The following SFMBT2 variants were observed in gnomAD, a reference collection of about 807,000 sequenced individuals.
SFMBT2 encodes the protein scm-like with four MBT domains protein 2.
A neutral mutation model predicts 110.1 loss-of-function variants in SFMBT2; 38 were observed. That is an observed-to-expected ratio of 0.35 (90% CI 0.27 to 0.45). SFMBT2 has a LOEUF of 0.45. Among genes scored for constraint, SFMBT2 ranks in the 20% least tolerant of loss-of-function variants. The pLI is 1.00. For missense variants in SFMBT2, 1,011 were observed against 1,094.9 expected, an observed-to-expected ratio of 0.92 and a Z score of 1.08; for synonymous variants, 425 against 425.4, an observed-to-expected ratio of 1.00 and a Z score of 0.01.
intron 2 of SFMBT2, among the ~76,000 whole-genome samples, chr10:7,377,383 T>C (rs1289319218): frequency 6.6e-6 from 1 of 152,196 alleles, no homozygotes; most frequent in African/African-American, 2.4e-5. Context: ...AAGACAATTT[T>C]TCCACAGATA....
chr10:7,378,460 G>T (rs1255828399), intron 2 of SFMBT2, among the ~76,000 whole-genome samples: 1 of 75,760 alleles, frequency 1.3e-5, no homozygotes, highest in Non-Finnish European at 2.6e-5. Context: ...TGTGTGGATG[G>T]GTGATGGATG....
rs1289191746 is a variant in SFMBT2 at position 7,293,112 on chromosome 10, G to A, written c.437-7158C>T. Among the ~76,000 whole-genome samples the A allele has an allele frequency of 6.6e-6, 1 of 152,062 alleles. No homozygotes were observed. Among genetic ancestry groups the A allele is most frequent in the East Asian group, 1.9e-4 (1 of 5,168 alleles). Reference sequence around the variant, plus strand: ...CACTCTGTCTGGAATGCAGTGGCGCGATCTCGACTCACTGCAACCTCCACC... The same window carrying A: ...CACTCTGTCTGGAATGCAGTGGCGCAATCTCGACTCACTGCAACCTCCACC... On this transcript the variant is annotated intron_variant, in intron 4 of 20. Coordinates refer to ENST00000397167, the MANE Select transcript of SFMBT2 (RefSeq NM_001387889.1). The surrounding 1 kb of genome is among the most constrained non-coding windows in gnomAD (Gnocchi z 4.6).
At chr10:7,346,350 A>G (rs1163795552) in intron 4 of SFMBT2, among the ~76,000 whole-genome samples, 2 of 152,220 alleles carry the variant, frequency 1.3e-5, no homozygotes, top group Non-Finnish European at 2.9e-5. Context: ...CATCTTAAAC[A>G]GTAAAAACCA....
intron 4 of SFMBT2, among the ~76,000 whole-genome samples, chr10:7,300,958 C>T (rs75789095): frequency 0.026 from 3,999 of 152,170 alleles, 196 homozygotes; most frequent in African/African-American, 0.09. Flanking sequence ...TCCTTTGTGT[C>T]GTACAAAAGT....
intron 6 of SFMBT2, among the ~76,000 whole-genome samples, chr10:7,281,157 G>C (rs1187591404): frequency 6.6e-6 from 1 of 152,164 alleles, no homozygotes; most frequent in South Asian, 2.1e-4. Flanking sequence ...GCGATGGGAA[G>C]ATCACTTGAA....
At chr10:7,248,457 C>G in intron 8 of SFMBT2, 91 bp downstream of exon 8, 1 of 1,090,618 alleles carries the variant, frequency 9.2e-7, no homozygotes, top group South Asian at 1.3e-5. Context: ...TAGCCTTGCA[C>G]GAACATATGT....
In SFMBT2 at chr10:7,165,622, C is replaced by T. The variant is rs370484844; in HGVS notation, c.2545-1712G>A. On this transcript the variant is annotated intron_variant, in intron 20 of 20. Transcript: ENST00000397167. ...TTTATTTTTAAATTACAGATGAGCACTAGCTATGATGTAAGCAACTCGAAG... is the reference window on the plus strand; with the variant it reads ...TTTATTTTTAAATTACAGATGAGCATTAGCTATGATGTAAGCAACTCGAAG... 2.0e-5 allele frequency among the ~76,000 whole-genome samples: 3 copies of T among 152,290 alleles called. No homozygotes were observed. In the East Asian group the frequency reaches 5.8e-4, roughly 29 times the overall value.
chr10:7,315,508 T>G (rs767759961), intron 4 of SFMBT2, among the ~76,000 whole-genome samples: 3 of 152,206 alleles, frequency 2.0e-5, no homozygotes, highest in Non-Finnish European at 4.4e-5. Context: ...CCAGTTCCAG[T>G]TCTCAGGCCT....
chr10:7,194,806 C>T lies in SFMBT2; in HGVS notation c.1698+2742G>A, dbSNP rs112070070. ...CTAGTTTTGTCATTAGAAAACTGCT[C>T]TGGACTCGGCTTTAAATTTGGCCGC... On this transcript the variant is annotated intron_variant, in intron 15 of 20. Transcript: ENST00000397167. Among the ~76,000 whole-genome samples, 1,275 of 152,280 alleles carry T rather than the reference C, an allele frequency of 8.4e-3. 25 individuals carry two copies. The highest frequency in any genetic ancestry group is 0.029 in the African/African-American group (1,194 of 41,562).
intron 1 of SFMBT2, among the ~76,000 whole-genome samples, chr10:7,389,935 A>G (rs1388608431): frequency 6.6e-6 from 1 of 152,242 alleles, no homozygotes; most frequent in Non-Finnish European, 1.5e-5. Flanking sequence ...TAGTCAAAGA[A>G]TAGAGTAATG....
rs547476495 is a variant in SFMBT2 at position 7,220,656 on chromosome 10, C to A, written c.1204-119G>T. The A allele has an allele frequency of 4.8e-6, 5 of 1,033,614 alleles. No homozygotes were observed. The South Asian group carries it at 5.9e-5, about 12-fold the overall frequency. The allele number at this position is 1,033,614 out of a possible 1,614,324, so 64.0% of individuals were successfully genotyped here. ...ATCTTACATCGACAAGACAGGCTCA[C>A]GTATGTGTTTGTCCTTCCCACTGTT... On this transcript the variant is annotated intron_variant, in intron 10 of 20. Coordinates refer to ENST00000397167, the MANE Select transcript of SFMBT2 (RefSeq NM_001387889.1).
chr10:7,273,701 G>C (rs755104836), intron 7 of SFMBT2, among the ~76,000 whole-genome samples: 1 of 152,180 alleles, frequency 6.6e-6, no homozygotes, highest in Non-Finnish European at 1.5e-5. Flanking sequence ...CCACCTATGA[G>C]TGAGAACATG....
rs1308681146 is a variant in SFMBT2, at chr10:7,214,548, A to C, written c.1330+5863T>G. On this transcript the variant is annotated intron_variant, in intron 11 of 20. Transcript: ENST00000397167. Reference sequence around the variant, plus strand: ...CACTGCTTCTTGTGTTTAAATACCTATGAGGAAATTCTACGGACTTATGGG... The same window carrying C: ...CACTGCTTCTTGTGTTTAAATACCTCTGAGGAAATTCTACGGACTTATGGG... The C allele has an allele frequency of 1.2e-5, 12 of 985,104 alleles. No homozygotes were observed. In the South Asian group the frequency reaches 5.2e-4, roughly 42 times the overall value. The allele number at this position is 985,104 out of a possible 1,614,324, so 61.0% of individuals were successfully genotyped here. A position where few individuals can be genotyped will look rare whatever the true frequency, so the allele number is the denominator to read the frequency against.
chr10:7,237,041 G>A (rs891598690), intron 9 of SFMBT2, among the ~76,000 whole-genome samples: 2 of 152,166 alleles, frequency 1.3e-5, no homozygotes, highest in Non-Finnish European at 2.9e-5. Flanking sequence ...CCCCTCAGAG[G>A]GGCCATGCTT....
chr10:7,389,059 T>C (rs377579381), intron 1 of SFMBT2, among the ~76,000 whole-genome samples: 142 of 152,324 alleles, frequency 9.3e-4, no homozygotes, highest in African/African-American at 3.3e-3. Flanking sequence ...GTTAACAAAA[T>C]GCAATCTTTT....
intron 7 of SFMBT2, among the ~76,000 whole-genome samples, chr10:7,254,782 C>G (rs771828874): frequency 1.3e-5 from 2 of 151,966 alleles, no homozygotes; most frequent in Admixed American, 6.5e-5. Context: ...GAGCAGAGAT[C>G]GAGCCACTGC....
chr10:7,249,715 C>G (rs536992262), intron 7 of SFMBT2: 1 of 175,880 alleles, frequency 5.7e-6, no homozygotes, highest in East Asian at 1.9e-4. Context: ...AAAAGCTGGT[C>G]AGTACCGTCA....
chr10:7,330,859 T>A lies in SFMBT2; in HGVS notation c.436+36790A>T, dbSNP rs149530168. On this transcript the variant is annotated intron_variant, in intron 4 of 20. Transcript: ENST00000397167. The stretch of plus-strand genomic sequence containing the variant: ...AGAGGAACAAAGACAAGGTCTCTCA[T>A]CTGACTTCTGATGCTTTTTCCCCTG... Among the ~76,000 whole-genome samples, 10 of 152,328 alleles carry A rather than the reference T, an allele frequency of 6.6e-5. No individual in the cohort carries two copies. The East Asian group carries it at 1.9e-3, about 29-fold the overall frequency.
Position 7,163,901 on chromosome 10 carries a change from C to G in SFMBT2, c.2554G>C (p.Gly852Arg). Residue 852 changes from glycine to arginine, a missense_variant, in exon 21 of 21, where the codon GGC becomes CGC. By Grantham distance (125) the Gly-to-Arg change is moderately radical (BLOSUM62 -2). This residue lies in a region of SFMBT2 where 32 missense variants were observed against 78.8 expected (regional missense o/e 0.41). Coordinates refer to ENST00000397167, the MANE Select transcript of SFMBT2 (RefSeq NM_001387889.1). This position sits in a 1 kb window ranked among gnomAD's most constrained non-coding sequence, Gnocchi z 4.8. ...AKIFQEQDID[G>R]QALLLLTLPT... ...AGGGTCAGAAGCAGGAGTGCTTGGC[C>G]GTCAATATCCTGCAGGAAAAGAAAG... 6.2e-7 allele frequency: 1 copy of G among 1,612,260 alleles called. No homozygotes were observed. Among genetic ancestry groups the G allele is most frequent in the Non-Finnish European group, 8.5e-7 (1 of 1,179,232 alleles).
Sources: gnomAD v4.1 joint callset for allele counts (sites outside exome capture counted in the v4.1 genomes callset) on GRCh38, gnomAD v4.1.1 for gene constraint, gnomAD v4.1.1 regional missense constraint, Gnocchi (gnomAD v3.1) non-coding constraint, MANE v1.5 for transcripts, NCBI Gene and HGNC (gene_info 2026-07-23, HGNC 2026-07-21) for gene names.